The following ITPR2 variants were observed in gnomAD, a reference collection of about 807,000 sequenced individuals.
The protein encoded by ITPR2 is inositol 1,4,5-trisphosphate-gated calcium channel ITPR2.
Under a neutral mutation model 317.1 loss-of-function variants are expected in ITPR2, and 207 were observed. The observed-to-expected ratio is 0.65, with a 90% confidence interval of 0.58 to 0.73. The LOEUF (loss-of-function observed/expected upper bound fraction) is 0.73, where lower values mean the gene tolerates loss of function less well. Among genes scored for constraint, ITPR2 ranks in the 30% least tolerant of loss-of-function variants. ITPR2 has a pLI of 0.00. For missense variants in ITPR2, 2,613 were observed against 3,284.0 expected (o/e 0.80, Z 4.99); for synonymous variants, 1,156 against 1,149.1 (o/e 1.01, Z -0.12).
intron 21 of ITPR2, among the ~76,000 whole-genome samples, chr12:26,645,084 C>T (rs1947082901): frequency 6.6e-6 from 1 of 152,172 alleles, no homozygotes. Flanking sequence ...CTCCCTTTCT[C>T]AATCTTGCTT....
intron 36 of ITPR2, among the ~76,000 whole-genome samples, chr12:26,550,835 T>C (rs1425676145): frequency 6.6e-6 from 1 of 152,188 alleles, no homozygotes; most frequent in African/African-American, 2.4e-5. Context: ...AATAATATGA[T>C]ATTTTTCACT....
intron 13 of ITPR2, 138 bp downstream of exon 13, chr12:26,681,735 TA>T: frequency 1.8e-6 from 1 of 550,976 alleles, no homozygotes; most frequent in Non-Finnish European, 3.2e-6. Context: ...TCAAGAGGAA[TA>T]AGTTCCCATC....
At chr12:26,783,880 A>G (rs1950141765) in intron 2 of ITPR2, among the ~76,000 whole-genome samples, 2 of 152,208 alleles carry the variant, frequency 1.3e-5, no homozygotes, top group Non-Finnish European at 2.9e-5. Context: ...CAAGATCATG[A>G]AAAGCCAGGG....
intron 45 of ITPR2, among the ~76,000 whole-genome samples, chr12:26,453,831 T>C (rs1339635423): frequency 5.9e-5 from 9 of 152,234 alleles, no homozygotes; most frequent in Admixed American, 5.9e-4. Context: ...TCTTTCTCCA[T>C]GATAATTCAG....
intron 34 of ITPR2, among the ~76,000 whole-genome samples, chr12:26,575,959 C>A (rs1054184065): frequency 2.6e-5 from 4 of 151,906 alleles, no homozygotes; most frequent in Admixed American, 2.6e-4. Context: ...CCCTGCCTTG[C>A]GTTTGCTAAA....
chr12:26,730,326 T>C (rs1275909618), intron 2 of ITPR2, among the ~76,000 whole-genome samples: 1 of 152,222 alleles, frequency 6.6e-6, no homozygotes, highest in Non-Finnish European at 1.5e-5. Context: ...CGGTCTCACC[T>C]GCCCTCCTCA....
At chr12:26,398,574 A>G (rs2136647135) in intron 54 of ITPR2, among the ~76,000 whole-genome samples, 1 of 152,366 alleles carries the variant, frequency 6.6e-6, no homozygotes, top group East Asian at 1.9e-4. Flanking sequence ...TAAATATGTT[A>G]CTGTGATTAA....
At chr12:26,341,088 A>G (rs1018802117) in intron 55 of ITPR2, among the ~76,000 whole-genome samples, 1 of 152,154 alleles carries the variant, frequency 6.6e-6, no homozygotes, top group Non-Finnish European at 1.5e-5. Context: ...ATCACTATGC[A>G]TTACTTATAT....
chr12:26,352,296 G>A (rs1938507908), intron 55 of ITPR2, among the ~76,000 whole-genome samples: 1 of 152,208 alleles, frequency 6.6e-6, no homozygotes, highest in Non-Finnish European at 1.5e-5. Flanking sequence ...TGGAGAGGTG[G>A]CTTCTGGCCG....
chr12:26,349,379 A>G (rs11048476), intron 55 of ITPR2, among the ~76,000 whole-genome samples: 35,981 of 152,086 alleles, frequency 0.24, 4,375 homozygotes, highest in Middle Eastern at 0.36. Context: ...TTCCTTGTGA[A>G]CTGTTAGATT....
intron 34 of ITPR2, among the ~76,000 whole-genome samples, chr12:26,562,289 T>C (rs1192118185): frequency 6.6e-6 from 1 of 152,176 alleles, no homozygotes; most frequent in Non-Finnish European, 1.5e-5. Flanking sequence ...AAAGCAGACA[T>C]AAAACACACG....
At chr12:26,493,719 GA>G (rs929485848) in intron 39 of ITPR2, among the ~76,000 whole-genome samples, 4 of 150,458 alleles carry the variant, frequency 2.7e-5, no homozygotes, top group South Asian at 2.1e-4. Context: ...AATGATAAAT[GA>G]AAAAAAAAGA....
At chr12:26,498,974 T>C (rs888731073) in intron 37 of ITPR2, among the ~76,000 whole-genome samples, 10 of 152,156 alleles carry the variant, frequency 6.6e-5, no homozygotes, top group African/African-American at 2.4e-4. Flanking sequence ...AGTTCTGGGA[T>C]TACAGACATG....
intron 46 of ITPR2, among the ~76,000 whole-genome samples, chr12:26,443,316 C>CA (rs894044748): frequency 3.8e-4 from 57 of 150,766 alleles, no homozygotes; most frequent in African/African-American, 1.2e-3. Context: ...CTATTAATTA[C>CA]AAAAAAAAAT....
chr12:26,435,254 T>A (rs1941322826), intron 48 of ITPR2, among the ~76,000 whole-genome samples: 1 of 152,200 alleles, frequency 6.6e-6, no homozygotes, highest in Non-Finnish European at 1.5e-5. Flanking sequence ...CTTATCATAC[T>A]CTCTTTCCAC....
At chr12:26,427,106 T>C (rs1941082588) in intron 49 of ITPR2, among the ~76,000 whole-genome samples, 1 of 152,046 alleles carries the variant, frequency 6.6e-6, no homozygotes, top group South Asian at 2.1e-4. Flanking sequence ...GGGAGACTAG[T>C]CCTAATTACA....
At chr12:26,683,617 G>A (rs1948076589) in intron 11 of ITPR2, among the ~76,000 whole-genome samples, 1 of 152,186 alleles carries the variant, frequency 6.6e-6, no homozygotes, top group Admixed American at 6.5e-5. Context: ...ACAAGGCTAT[G>A]TATTCGTCAA....
intron 1 of ITPR2, among the ~76,000 whole-genome samples, chr12:26,827,075 AAG>A (rs1170314322): frequency 6.6e-6 from 1 of 152,250 alleles, no homozygotes. Context: ...TCACCTTTAA[AAG>A]AGACACAAAA....
intron 37 of ITPR2, among the ~76,000 whole-genome samples, chr12:26,508,889 C>G (rs1306209001): frequency 6.6e-6 from 1 of 152,150 alleles, no homozygotes; most frequent in East Asian, 1.9e-4. Context: ...AATTCCACTC[C>G]TAAGTATTTA....
Sources: gnomAD v4.1 joint callset for allele counts (sites outside exome capture counted in the v4.1 genomes callset) on GRCh38, gnomAD v4.1.1 for gene constraint, MANE v1.5 for transcripts, NCBI Gene and HGNC (gene_info 2026-07-23, HGNC 2026-07-21) for gene names.